Variants in RAD51B observed in about 807,000 individuals in gnomAD.
RAD51B encodes the protein DNA repair protein RAD51 homolog 2.
In RAD51B, 38 loss-of-function variants were observed where a neutral mutation model predicts 42.2. The observed-to-expected ratio is 0.90, with a 90% CI of 0.70 to 1.18. The LOEUF (loss-of-function observed/expected upper bound fraction) is 1.18. RAD51B is among the 50% of genes most tolerant of loss of function. The pLI is 0.00. For missense variants in RAD51B, 373 were observed against 400.7 expected, an observed-to-expected ratio of 0.93 and a Z score of 0.59; for synonymous variants, 154 against 145.2, an observed-to-expected ratio of 1.06 and a Z score of -0.43.
intron 7 of RAD51B, among the ~76,000 whole-genome samples, chr14:68,164,536 G>C (rs1053753762): frequency 6.6e-6 from 1 of 152,156 alleles, no homozygotes; most frequent in Admixed American, 6.5e-5. Context: ...GCAAAGCTCC[G>C]CGGGCTTTCT....
At chr14:68,186,586 T>C (rs1319058253) in intron 7 of RAD51B, among the ~76,000 whole-genome samples, 1 of 152,102 alleles carries the variant, frequency 6.6e-6, no homozygotes, top group Admixed American at 6.5e-5. Flanking sequence ...AAAGAAGACA[T>C]ACAAGCAACC....
intron 8 of RAD51B, among the ~76,000 whole-genome samples, chr14:68,351,060 C>T (rs181362746): frequency 7.9e-5 from 12 of 152,288 alleles, no homozygotes; most frequent in East Asian, 5.8e-4. Flanking sequence ...TACTGCCCTA[C>T]GCCCTGAGGT....
intron 8 of RAD51B, among the ~76,000 whole-genome samples, chr14:68,313,015 TGTG>T (rs2081992293): frequency 6.6e-6 from 1 of 152,232 alleles, no homozygotes; most frequent in African/African-American, 2.4e-5. Flanking sequence ...TTTCCAGCAC[TGTG>T]CATCAACCAC....
chr14:68,592,285 G>GTA (rs1491038815), intron 10 of RAD51B, among the ~76,000 whole-genome samples: 1 of 149,820 alleles, frequency 6.7e-6, no homozygotes, highest in Admixed American at 6.6e-5. Flanking sequence ...GTGTGTGTGT[G>GTA]TATGTGTGTG....
intron 7 of RAD51B, among the ~76,000 whole-genome samples, chr14:68,138,953 T>C (rs1175137046): frequency 2.6e-5 from 4 of 152,192 alleles, no homozygotes; most frequent in Non-Finnish European, 4.4e-5. Context: ...TCTTTATTAG[T>C]GTGTTATCTG....
At chr14:68,379,990 A>T (rs1322282695) in intron 8 of RAD51B, among the ~76,000 whole-genome samples, 5 of 152,262 alleles carry the variant, frequency 3.3e-5, no homozygotes, top group African/African-American at 9.6e-5. Flanking sequence ...ATACGATTGC[A>T]TTGTGTATAA....
chr14:68,375,087 G>C (rs950231028), intron 8 of RAD51B, among the ~76,000 whole-genome samples: 1 of 151,968 alleles, frequency 6.6e-6, no homozygotes, highest in Non-Finnish European at 1.5e-5. Context: ...GGTTAGTGCA[G>C]ATGGAACTGC....
chr14:68,639,327 T>C (rs1198019419), intron 10 of RAD51B, among the ~76,000 whole-genome samples: 1 of 152,192 alleles, frequency 6.6e-6, no homozygotes, highest in African/African-American at 2.4e-5. Context: ...AACATGTGGC[T>C]CCACGGTCAG....
At chr14:68,251,076 C>G (rs918958123) in intron 7 of RAD51B, among the ~76,000 whole-genome samples, 2 of 152,072 alleles carry the variant, frequency 1.3e-5, no homozygotes, top group East Asian at 3.8e-4. Context: ...ACAACTTTGT[C>G]TTTGACTAGT....
intron 7 of RAD51B, among the ~76,000 whole-genome samples, chr14:68,187,843 C>G (rs2140898801): frequency 6.6e-6 from 1 of 152,158 alleles, no homozygotes; most frequent in Non-Finnish European, 1.5e-5. Flanking sequence ...GAGGTGAAGT[C>G]TTGCTCTGTC....
chr14:68,608,982 C>T (rs1292888957), intron 10 of RAD51B, among the ~76,000 whole-genome samples: 2 of 152,142 alleles, frequency 1.3e-5, no homozygotes, highest in African/African-American at 4.8e-5. Context: ...TGCCTGGCTC[C>T]CTCAGACACC....
rs34442848 is a variant in RAD51B, at chr14:68,319,739, G to T, written c.853+27759G>T. ...ATCTAAAGTGCTTAGCTTCTTTAGG[G>T]TAGCTCCACACCCTTTTTAATTCTT... On this transcript the variant is annotated intron_variant, in intron 8 of 10. Transcript: ENST00000471583. Among the ~76,000 whole-genome samples, 773 of 152,246 alleles carry T rather than the reference G, an allele frequency of 5.1e-3. 8 individuals carry two copies. The highest frequency in any genetic ancestry group is 0.017 in the African/African-American group (710 of 41,526).
intron 7 of RAD51B, among the ~76,000 whole-genome samples, chr14:67,934,684 C>G (rs572316287): frequency 2.0e-5 from 3 of 152,188 alleles, no homozygotes; most frequent in African/African-American, 7.2e-5. Context: ...ATTTCATTCC[C>G]CTATCAGAGA....
chr14:68,646,756 C>T (rs1892571757), intron 10 of RAD51B, among the ~76,000 whole-genome samples: 1 of 152,174 alleles, frequency 6.6e-6, no homozygotes, highest in Admixed American at 6.5e-5. Flanking sequence ...AAATGGTGTT[C>T]AATGAGTTTC....
At position 68,393,084 on chromosome 14, in the gene RAD51B, T is replaced by C. The variant is rs1437090493; in HGVS notation, c.854-18340T>C. On this transcript the variant is annotated intron_variant, in intron 8 of 10. Coordinates refer to ENST00000471583, the MANE Select transcript of RAD51B (RefSeq NM_133510.4). Reference sequence around the variant, plus strand: ...TCCACCTATCAGGCTCACTTGAGTGTTATAAAGAATAATGAGGTGATATTT... The same window carrying C: ...TCCACCTATCAGGCTCACTTGAGTGCTATAAAGAATAATGAGGTGATATTT... Among the ~76,000 whole-genome samples the C allele has an allele frequency of 2.0e-5, 3 of 152,214 alleles. No individual in the cohort carries two copies. In the East Asian group the frequency reaches 5.8e-4, roughly 29 times the overall value.
chr14:68,613,671 G>C (rs1007801066), downstream of RAD51B, among the ~76,000 whole-genome samples: 1 of 151,858 alleles, frequency 6.6e-6, no homozygotes, highest in Admixed American at 6.6e-5. Flanking sequence ...AGCCAGGATG[G>C]TCTCGATCTC....
intron 8 of RAD51B, among the ~76,000 whole-genome samples, chr14:68,297,585 GT>G (rs1315023686): frequency 6.6e-6 from 1 of 152,130 alleles, no homozygotes; most frequent in African/African-American, 2.4e-5. Flanking sequence ...GTACCAACGG[GT>G]ATGAGTGGAG....
At chr14:68,303,457 T>TAAAAAAAAA (rs58955054) in intron 8 of RAD51B, among the ~76,000 whole-genome samples, 4 of 138,730 alleles carry the variant, frequency 2.9e-5, no homozygotes, top group Admixed American at 7.0e-5. Flanking sequence ...TAAAGTATAA[T>TAAAAAAAAA]AAAAAAAAAA....
intron 10 of RAD51B, among the ~76,000 whole-genome samples, chr14:68,569,113 G>A (rs1342075704): frequency 1.3e-5 from 2 of 152,062 alleles, no homozygotes; most frequent in African/African-American, 2.4e-5. Context: ...ATTTCCCTTC[G>A]GCATCATCAG....
Sources: gnomAD v4.1 joint callset for allele counts (sites outside exome capture counted in the v4.1 genomes callset) on GRCh38, gnomAD v4.1.1 for gene constraint, MANE v1.5 for transcripts, NCBI Gene and HGNC (gene_info 2026-07-23, HGNC 2026-07-21) for gene names.